PIEZO2: variants seen among roughly 807,000 people sequenced by gnomAD.
PIEZO2 encodes the protein piezo-type mechanosensitive ion channel component 2.
A neutral mutation model predicts 337.3 loss-of-function variants in PIEZO2; 172 were observed. That is an observed-to-expected ratio of 0.51 (90% CI 0.45 to 0.58). The LOEUF (loss-of-function observed/expected upper bound fraction) is 0.58. Ranked by LOEUF, PIEZO2 falls within the 20% of genes least tolerant of loss-of-function variation. PIEZO2 has a pLI of 0.00. For synonymous variants in PIEZO2, 1,251 were observed against 1,228.5 expected (o/e 1.02, Z -0.38); for missense variants, 3,028 against 3,391.3 (o/e 0.89, Z 2.66).
Position 10,784,860 on chromosome 18 carries a change from G to A in PIEZO2, c.2416C>T (p.His806Tyr). The A allele has an allele frequency of 1.3e-6, 2 of 1,537,754 alleles. No individual in the cohort carries two copies. The highest frequency in any genetic ancestry group is 1.7e-6 in the Non-Finnish European group (2 of 1,146,996). The change falls in exon 17 of 56, where the codon CAC (histidine) becomes TAC (tyrosine). Residue 806 changes from histidine to tyrosine, a missense_variant. His to Tyr is a moderately conservative substitution (Grantham distance 83). Transcript: ENST00000674853. This position sits in a 1 kb window ranked among gnomAD's most constrained non-coding sequence, Gnocchi z 4.5. ...TCAAGGAACCGGTCATGGAAGTAGT[G>A]CAGGTGTAAAATGCACACCAGCAGA... The part of the protein sequence containing the change: ...SFLLVCILHL[H>Y]YFHDRFLELT...
chr18:10,938,980 G>A (rs1026837930), intron 3 of PIEZO2, among the ~76,000 whole-genome samples: 1 of 152,020 alleles, frequency 6.6e-6, no homozygotes, highest in African/African-American at 2.4e-5. Flanking sequence ...CCAGCTACTC[G>A]GGAGGCTGAG....
Position 11,023,460 on chromosome 18 carries a change from C to T in PIEZO2, c.160+42667G>A, listed in dbSNP as rs113112802. On this transcript the variant is annotated intron_variant, in intron 2 of 55. Transcript: ENST00000674853. ...TTCACAAACCCTGAGCTAGACACAGCGTGCTGATTGGTGTGTTTACAAACC... is the reference window on the plus strand; with the variant it reads ...TTCACAAACCCTGAGCTAGACACAGTGTGCTGATTGGTGTGTTTACAAACC... Among the ~76,000 whole-genome samples, 7 of 152,120 alleles carry T rather than the reference C, an allele frequency of 4.6e-5. No homozygotes were observed. The South Asian group carries it at 6.2e-4, about 14-fold the overall frequency.
At chr18:10,927,695 A>G (rs1169134055) in intron 3 of PIEZO2, among the ~76,000 whole-genome samples, 1 of 152,170 alleles carries the variant, frequency 6.6e-6, no homozygotes, top group Non-Finnish European at 1.5e-5. Flanking sequence ...GAGGTATTTA[A>G]TCGTACCTAA....
intron 30 of PIEZO2, among the ~76,000 whole-genome samples, chr18:10,747,989 T>C (rs2037494563): frequency 6.6e-6 from 1 of 151,874 alleles, no homozygotes; most frequent in African/African-American, 2.4e-5. Context: ...CTCCCCAGTC[T>C]TTTTTCCTAA....
intron 2 of PIEZO2, among the ~76,000 whole-genome samples, chr18:11,045,888 T>C (rs1405699416): frequency 2.6e-5 from 4 of 152,168 alleles, no homozygotes; most frequent in African/African-American, 9.7e-5. Flanking sequence ...TGCTTGCCGT[T>C]GTATGAATCA....
At chr18:11,121,152 CT>C (rs1320800285) in intron 1 of PIEZO2, among the ~76,000 whole-genome samples, 3 of 152,116 alleles carry the variant, frequency 2.0e-5, no homozygotes, top group Admixed American at 6.5e-5. Flanking sequence ...ACTCGGGAGG[CT>C]AGGCATGAGA....
At chr18:10,693,356 T>TTGTGTGTGTGTGTGTGTGTGTGTGTGTG (rs1174582024) in intron 47 of PIEZO2, among the ~76,000 whole-genome samples, 8 of 90,042 alleles carry the variant, frequency 8.9e-5, no homozygotes, top group East Asian at 6.2e-4. Flanking sequence ...AATCTGGATT[T>TTGTGTGTGTGTGTGTGTGTGTGTGTGTG]TGTGTGTGTG....
intron 53 of PIEZO2, among the ~76,000 whole-genome samples, chr18:10,675,790 G>A (rs1320550473): frequency 6.6e-6 from 1 of 152,032 alleles, no homozygotes; most frequent in Non-Finnish European, 1.5e-5. Context: ...TGGATGATGG[G>A]GGCAGGTTTT....
At chr18:10,790,859 T>G (rs968453128) in intron 14 of PIEZO2, among the ~76,000 whole-genome samples, 5 of 152,080 alleles carry the variant, frequency 3.3e-5, no homozygotes, top group African/African-American at 1.2e-4. Flanking sequence ...CGCCCACCAC[T>G]ACGCCCGGCT....
At chr18:10,849,586 A>G (rs958078501) in intron 7 of PIEZO2, among the ~76,000 whole-genome samples, 6 of 152,128 alleles carry the variant, frequency 3.9e-5, no homozygotes, top group African/African-American at 1.2e-4. Context: ...AAGCCGCCCA[A>G]GGATCCCTGA....
In PIEZO2 at chr18:10,847,221, A is replaced by G. The variant is rs982726123; in HGVS notation, c.917+8132T>C. ...ATGTGATGCTCGCTGGCCAGATGAC[A>G]TGACGGCAGCCGGGGCAGGTGACTG... On this transcript the variant is annotated intron_variant, in intron 7 of 55. Coordinates refer to ENST00000674853, the MANE Select transcript of PIEZO2 (RefSeq NM_001378183.1). The surrounding 1 kb of genome is among the most constrained non-coding windows in gnomAD (Gnocchi z 5.7). Among the ~76,000 whole-genome samples the G allele has an allele frequency of 6.6e-6, 1 of 152,224 alleles. No homozygotes were observed. The highest frequency in any genetic ancestry group is 1.5e-5 in the Non-Finnish European group (1 of 68,038).
chr18:10,797,259 C>T (rs2039642242), intron 12 of PIEZO2, 115 bp downstream of exon 12: 1 of 880,536 alleles, frequency 1.1e-6, no homozygotes, highest in Non-Finnish European at 1.7e-6. Flanking sequence ...TACATACCAT[C>T]ATATCTTATA....
chr18:10,837,482 C>T lies in PIEZO2; in HGVS notation c.917+17871G>A, dbSNP rs114020447. Among the ~76,000 whole-genome samples, 2,614 of 152,262 alleles carry T rather than the reference C, an allele frequency of 0.017. 66 individuals are homozygous for T. The highest frequency in any genetic ancestry group is 0.06 in the African/African-American group (2,480 of 41,556). On this transcript the variant is annotated intron_variant, in intron 7 of 55. Transcript: ENST00000674853. This position sits in a 1 kb window ranked among gnomAD's most constrained non-coding sequence, Gnocchi z 4.4. ...GGGTAATGAGGATGACCCATCCTTA[C>T]CACCATGCACATCCTTTAGAATGTT...
chr18:10,934,659 G>GTGTT (rs1404615493), intron 3 of PIEZO2, among the ~76,000 whole-genome samples: 2 of 151,062 alleles, frequency 1.3e-5, no homozygotes, highest in Non-Finnish European at 3.0e-5. Flanking sequence ...GTGTGTGTGT[G>GTGTT]TGTGTGTGTG....
rs2041919350 is a variant in PIEZO2, at chr18:10,863,151, TAAC to T, written c.493-5943_493-5941del. Among the ~76,000 whole-genome samples, 1 of 152,226 alleles carries T rather than the reference TAAC, an allele frequency of 6.6e-6. No homozygotes were observed. The highest frequency in any genetic ancestry group is 2.1e-4 in the South Asian group (1 of 4,834). The stretch of plus-strand genomic sequence containing the variant: ...TTATTCATTGTTTATTATTAAAAGT[TAAC>T]AATTTATCTTAACAGAATGGGTTCA... On this transcript the variant is annotated intron_variant, in intron 5 of 55. Coordinates refer to ENST00000674853, the MANE Select transcript of PIEZO2 (RefSeq NM_001378183.1). This position sits in a 1 kb window ranked among gnomAD's most constrained non-coding sequence, Gnocchi z 4.3.
chr18:10,699,055 G>A lies in PIEZO2; in HGVS notation c.6564C>T (p.Asn2188=). Residue 2188 remains asparagine (N), a synonymous_variant, in exon 44 of 56, where the codon AAC becomes AAT. Transcript: ENST00000674853. Reference sequence around the variant, plus strand: ...GCACTGACTCCACAGACGCGGCCAGGTTGATGGACTTGAGAGAATCGGAGG... The same window carrying A: ...GCACTGACTCCACAGACGCGGCCAGATTGATGGACTTGAGAGAATCGGAGG... ...RDSSDSLKSI[N]LAASVESVHV... 1.3e-6 allele frequency: 2 copies of A among 1,537,216 alleles called. No individual in the cohort carries two copies. Among genetic ancestry groups the A allele is most frequent in the Non-Finnish European group, 1.7e-6 (2 of 1,146,910 alleles).
intron 49 of PIEZO2, 77 bp downstream of exon 49, chr18:10,689,575 CAGA>C: frequency 6.3e-7 from 1 of 1,589,848 alleles, no homozygotes; most frequent in East Asian, 2.2e-5. Flanking sequence ...TCATTGTGAG[CAGA>C]AGTTCACATT....
rs2034129305 is a variant in PIEZO2 at position 10,969,002 on chromosome 18, G to A, written c.286+10533C>T. On this transcript the variant is annotated intron_variant, in intron 3 of 55. Transcript: ENST00000674853. This position sits in a 1 kb window ranked among gnomAD's most constrained non-coding sequence, Gnocchi z 4.5. ...TTTATTTATAAATCCACCTACCTAA[G>A]CCCTAAAATATACATCAATTTTGTA... Among the ~76,000 whole-genome samples the A allele has an allele frequency of 6.6e-6, 1 of 152,076 alleles. No individual in the cohort carries two copies.
intron 39 of PIEZO2, among the ~76,000 whole-genome samples, chr18:10,712,569 AAAG>A (rs1741447261): frequency 1.3e-5 from 2 of 152,362 alleles, no homozygotes; most frequent in South Asian, 4.1e-4. Flanking sequence ...GGAATCTGTC[AAAG>A]AAGAAGACAG....
Sources: allele counts gnomAD v4.1 joint callset (sites outside exome capture counted in the v4.1 genomes callset), GRCh38; gene constraint gnomAD v4.1.1; non-coding constraint Gnocchi (gnomAD v3.1); transcripts MANE v1.5; gene names NCBI Gene and HGNC (gene_info 2026-07-23, HGNC 2026-07-21).